Variants in EPC1 observed in about 807,000 individuals in gnomAD.
The protein encoded by EPC1 is enhancer of polycomb 1.
In EPC1, 12 loss-of-function variants were observed where a neutral mutation model predicts 98.4. That is an observed-to-expected ratio of 0.12 (90% CI 0.08 to 0.20). The LOEUF (loss-of-function observed/expected upper bound fraction) is 0.20, where lower values mean the gene tolerates loss of function less well. Among genes scored for constraint, EPC1 ranks in the 10% least tolerant of loss-of-function variants. The probability of loss-of-function intolerance (pLI) is 1.00; values close to 1 mark genes in which losing one functional copy is unlikely to be tolerated. For missense variants in EPC1, 729 were observed against 990.5 expected (o/e 0.74, Z 3.54); for synonymous variants, 357 against 363.9 (o/e 0.98, Z 0.21).
At chr10:32,358,781 A>G (rs1839358848) in intron 1 of EPC1, among the ~76,000 whole-genome samples, 1 of 152,186 alleles carries the variant, frequency 6.6e-6, no homozygotes, top group South Asian at 2.1e-4. Flanking sequence ...CATCTGTCTG[A>G]GTAGATGACA....
intron 1 of EPC1, among the ~76,000 whole-genome samples, chr10:32,356,640 G>A (rs937170475): frequency 1.3e-5 from 2 of 152,198 alleles, no homozygotes; most frequent in African/African-American, 4.8e-5. Flanking sequence ...GACTCTGTGA[G>A]CTGAGCCGTG....
intron 1 of EPC1, among the ~76,000 whole-genome samples, chr10:32,346,036 C>G (rs961840271): frequency 2.0e-5 from 3 of 152,206 alleles, no homozygotes; most frequent in Non-Finnish European, 4.4e-5. Flanking sequence ...CTCCGACCAA[C>G]TAGCTCTGGA....
intron 1 of EPC1, among the ~76,000 whole-genome samples, chr10:32,338,768 T>A (rs924752928): frequency 6.6e-6 from 1 of 151,916 alleles, no homozygotes; most frequent in Non-Finnish European, 1.5e-5. Flanking sequence ...TAAAATTCTG[T>A]AGTATCTTGT....
At chr10:32,279,159 C>T (rs1836262519) in intron 10 of EPC1, among the ~76,000 whole-genome samples, 2 of 151,976 alleles carry the variant, frequency 1.3e-5, no homozygotes, top group South Asian at 4.1e-4. Flanking sequence ...GACTGCCTGG[C>T]CAATATGGTG....
chr10:32,294,790 C>T (rs568401665), intron 2 of EPC1, among the ~76,000 whole-genome samples: 2 of 152,242 alleles, frequency 1.3e-5, no homozygotes, highest in South Asian at 4.2e-4. Context: ...ATTCCTTCTA[C>T]TAACATTACA....
chr10:32,372,293 T>C (rs1839771458), intron 1 of EPC1, among the ~76,000 whole-genome samples: 1 of 152,226 alleles, frequency 6.6e-6, no homozygotes, highest in Non-Finnish European at 1.5e-5. Context: ...TGCAATCCAC[T>C]GATCTAGAGT....
intron 1 of EPC1, among the ~76,000 whole-genome samples, chr10:32,308,737 C>T (rs1481025142): frequency 2.0e-5 from 3 of 152,054 alleles, no homozygotes; most frequent in Non-Finnish European, 4.4e-5. Flanking sequence ...CCTCAAAAAT[C>T]GAAACAAATA....
chr10:32,289,343 G>A (rs1449043143), intron 6 of EPC1, among the ~76,000 whole-genome samples: 1 of 62,180 alleles, frequency 1.6e-5, no homozygotes, highest in South Asian at 5.3e-4. Context: ...TGTTAACAAA[G>A]TGGGAAAAAA....
chr10:32,323,050 C>T (rs1837027325), intron 1 of EPC1, among the ~76,000 whole-genome samples: 1 of 151,986 alleles, frequency 6.6e-6, no homozygotes. Context: ...CTCAAATTAC[C>T]CTGATTTGAT....
chr10:32,346,204 T>C (rs1333164159), intron 1 of EPC1, among the ~76,000 whole-genome samples: 1 of 152,224 alleles, frequency 6.6e-6, no homozygotes, highest in Non-Finnish European at 1.5e-5. Flanking sequence ...CATGCCCGTC[T>C]GAGGCTCCAC....
intron 1 of EPC1, among the ~76,000 whole-genome samples, chr10:32,352,941 A>G (rs1486366246): frequency 6.6e-6 from 1 of 152,128 alleles, no homozygotes; most frequent in Admixed American, 6.6e-5. Flanking sequence ...AGATTACCTG[A>G]GGTGGGGAGT....
chr10:32,310,158 G>C (rs952725761), intron 1 of EPC1, among the ~76,000 whole-genome samples: 1 of 152,090 alleles, frequency 6.6e-6, no homozygotes, highest in East Asian at 1.9e-4. Flanking sequence ...TGGCACCACT[G>C]CACTCTAGCC....
At position 32,271,668 on chromosome 10, in the gene EPC1, C is replaced by T. The variant is rs1227881256; in HGVS notation, c.2255G>A (p.Arg752Gln). 10 of 1,614,016 alleles carry T rather than the reference C, an allele frequency of 6.2e-6. No homozygotes were observed. Among genetic ancestry groups the T allele is most frequent in the African/African-American group, 1.3e-5 (1 of 74,902 alleles). The change falls in exon 13 of 14, where the codon CGA (arginine) becomes CAA (glutamine). Residue 752 changes from arginine to glutamine, a missense_variant. Arg to Gln is a conservative substitution (Grantham distance 43). This residue lies in a region of EPC1 where 156 missense variants were observed against 188.9 expected (regional missense o/e 0.83). Transcript: ENST00000319778. ...TVNSIAPINARHIPRTLSAVP... is the reference protein window; with the variant it reads ...TVNSIAPINAQHIPRTLSAVP... ...AGCACTTAAAGTCCTAGGTATATGT[C>T]GTGCATTTATTGGGGCAATAGAGTT... is the stretch of plus-strand genomic sequence containing the variant.
intron 1 of EPC1, among the ~76,000 whole-genome samples, chr10:32,358,191 TTAAA>T (rs1433787684): frequency 3.9e-5 from 6 of 152,200 alleles, no homozygotes; most frequent in African/African-American, 1.4e-4. Flanking sequence ...TCCCATCTCA[TTAAA>T]TACTCTTCTG....
chr10:32,292,665 G>C, intron 4 of EPC1, 21 bp from the exon 5 acceptor site: 1 of 1,595,134 alleles, frequency 6.3e-7, no homozygotes, highest in Non-Finnish European at 8.5e-7. Flanking sequence ...GAAGTTGCTT[G>C]TTTAATGTTA....
chr10:32,322,619 A>C (rs998044682), intron 1 of EPC1, among the ~76,000 whole-genome samples: 15 of 152,216 alleles, frequency 9.9e-5, no homozygotes, highest in African/African-American at 3.6e-4. Context: ...ACTTTATTAC[A>C]TACATTGTTT....
intron 10 of EPC1, among the ~76,000 whole-genome samples, chr10:32,280,581 A>T (rs140880582): frequency 0.036 from 5,532 of 152,218 alleles, 141 homozygotes; most frequent in Middle Eastern, 0.051. Flanking sequence ...TCTACTAAAA[A>T]TACAAAAATT....
At chr10:32,302,679 C>T (rs536226518) in intron 2 of EPC1, among the ~76,000 whole-genome samples, 11 of 146,534 alleles carry the variant, frequency 7.5e-5, no homozygotes, top group South Asian at 6.4e-4. Flanking sequence ...GGTGGGGGAG[C>T]GGCGCAAAAG....
At chr10:32,375,459 A>G (rs1438403618) in intron 1 of EPC1, among the ~76,000 whole-genome samples, 1 of 151,982 alleles carries the variant, frequency 6.6e-6, no homozygotes, top group African/African-American at 2.4e-5. Flanking sequence ...AAATTAGGAA[A>G]TTGTGTTGGT....
Sources: gnomAD v4.1 joint callset for allele counts (sites outside exome capture counted in the v4.1 genomes callset) on GRCh38, gnomAD v4.1.1 for gene constraint, gnomAD v4.1.1 regional missense constraint, MANE v1.5 for transcripts, NCBI Gene and HGNC (gene_info 2026-07-23, HGNC 2026-07-21) for gene names.